TRAPPC9: variants seen among roughly 807,000 people sequenced by gnomAD.
TRAPPC9 encodes IKK2 binding protein.
A neutral mutation model predicts 124.0 loss-of-function variants in TRAPPC9; 83 were observed. The observed-to-expected ratio is 0.67, with a 90% CI of 0.56 to 0.80. The LOEUF (loss-of-function observed/expected upper bound fraction) is 0.80. Ranked by LOEUF, TRAPPC9 falls within the 30% of genes least tolerant of loss-of-function variation. The pLI is 0.00. For synonymous variants in TRAPPC9, 638 were observed against 617.5 expected, an observed-to-expected ratio of 1.03 and a Z score of -0.49; for missense variants, 1,302 against 1,508.3, an observed-to-expected ratio of 0.86 and a Z score of 2.27.
chr8:140,040,223 G>A (rs1170312230), intron 17 of TRAPPC9: 4 of 152,344 alleles, frequency 2.6e-5, no homozygotes, highest in African/African-American at 9.7e-5. Flanking sequence ...CAACAATCAT[G>A]GCCTAGTGGA....
At chr8:140,158,303 G>C (rs1266126999) in intron 17 of TRAPPC9, among the ~76,000 whole-genome samples, 4 of 152,210 alleles carry the variant, frequency 2.6e-5, no homozygotes, top group African/African-American at 9.7e-5. Context: ...GCTTATCCTA[G>C]TAGGCTCTCA....
intron 21 of TRAPPC9, among the ~76,000 whole-genome samples, chr8:139,816,889 G>A (rs1824875520): frequency 6.6e-6 from 1 of 151,982 alleles, no homozygotes; most frequent in South Asian, 2.1e-4. Flanking sequence ...TGCAGGCACA[G>A]TCTCAGCTTC....
At chr8:140,258,156 GACAGACA>G (rs2064313359) in intron 15 of TRAPPC9, among the ~76,000 whole-genome samples, 1 of 152,222 alleles carries the variant, frequency 6.6e-6, no homozygotes, top group South Asian at 2.1e-4. Context: ...GACAGCACAC[GACAGACA>G]AGTCTGGAGG....
intron 18 of TRAPPC9, among the ~76,000 whole-genome samples, chr8:139,999,878 T>C (rs1211985517): frequency 6.6e-6 from 1 of 152,138 alleles, no homozygotes. Context: ...AAAAATAAAA[T>C]ATGATATATC....
In TRAPPC9 at chr8:139,907,688, C is replaced by T. The variant is rs1372144326; in HGVS notation, c.2964+2459G>A. Among the ~76,000 whole-genome samples, 3 of 152,192 alleles carry T rather than the reference C, an allele frequency of 2.0e-5. No individual in the cohort carries two copies. The highest frequency in any genetic ancestry group is 7.2e-5 in the African/African-American group (3 of 41,430). ...TCAGTAAATGTATGGGGCAGATGTG[C>T]TTGGCACATGGTAGGCAATCAATAA... On this transcript the variant is annotated intron_variant, in intron 20 of 22. Transcript: ENST00000438773. This position sits in a 1 kb window ranked among gnomAD's most constrained non-coding sequence, Gnocchi z 4.7.
intron 15 of TRAPPC9, among the ~76,000 whole-genome samples, chr8:140,270,918 A>G (rs1406328964): frequency 1.3e-5 from 2 of 152,262 alleles, no homozygotes; most frequent in East Asian, 1.9e-4. Context: ...GCAGCCACTC[A>G]TGGATTTCTG....
chr8:140,100,441 TCGGG>T (rs1162270402), intron 17 of TRAPPC9: 1 of 152,112 alleles, frequency 6.6e-6, no homozygotes, highest in East Asian at 1.9e-4. Context: ...GTATGCAGGG[TCGGG>T]ACACCCAGCT....
chr8:140,429,055 TTTTTG>T (rs1040294614), intron 4 of TRAPPC9, among the ~76,000 whole-genome samples: 3 of 150,788 alleles, frequency 2.0e-5, no homozygotes, highest in African/African-American at 7.3e-5. Flanking sequence ...TGCCAGGGGT[TTTTTG>T]TTTTGTTTTT....
chr8:140,347,075 T>C (rs1241633177), intron 9 of TRAPPC9, among the ~76,000 whole-genome samples: 2 of 152,172 alleles, frequency 1.3e-5, no homozygotes, highest in African/African-American at 2.4e-5. Flanking sequence ...CTCCTCCAGC[T>C]CTGGGCCAGG....
At chr8:140,301,533 C>T (rs1452373760) in intron 10 of TRAPPC9, among the ~76,000 whole-genome samples, 1 of 152,226 alleles carries the variant, frequency 6.6e-6, no homozygotes, top group Non-Finnish European at 1.5e-5. Context: ...AACCACAGTA[C>T]TAGAAGGTGC....
chr8:140,263,381 G>A (rs996936610), intron 15 of TRAPPC9, among the ~76,000 whole-genome samples: 14 of 152,192 alleles, frequency 9.2e-5, no homozygotes, highest in African/African-American at 3.4e-4. Context: ...AGTGGGTACT[G>A]GGGAAATGTG....
intron 5 of TRAPPC9, among the ~76,000 whole-genome samples, chr8:140,419,938 C>T (rs1266524162): frequency 1.3e-5 from 2 of 151,788 alleles, no homozygotes; most frequent in Non-Finnish European, 2.9e-5. Context: ...ATGACATGAT[C>T]CTGCCTCTAG....
intron 21 of TRAPPC9, among the ~76,000 whole-genome samples, chr8:139,741,554 A>G (rs752747556): frequency 7.9e-5 from 12 of 152,154 alleles, no homozygotes; most frequent in Non-Finnish European, 1.8e-4. Flanking sequence ...TCACCCATTT[A>G]AAGTGTACAA....
intron 9 of TRAPPC9, among the ~76,000 whole-genome samples, chr8:140,322,163 C>A (rs1568605): frequency 0.53 from 80,612 of 151,980 alleles, 21,423 homozygotes; most frequent in East Asian, 0.65. Context: ...TCCCCCAAAC[C>A]CACAAATCCA....
chr8:139,814,183 G>A (rs995088800), intron 21 of TRAPPC9, among the ~76,000 whole-genome samples: 11 of 152,252 alleles, frequency 7.2e-5, no homozygotes, highest in African/African-American at 2.2e-4. Flanking sequence ...CGAGGCAGGC[G>A]GTGGGCGGCC....
At chr8:139,821,058 C>T (rs566584531) in intron 21 of TRAPPC9, among the ~76,000 whole-genome samples, 7 of 152,302 alleles carry the variant, frequency 4.6e-5, no homozygotes, top group South Asian at 4.1e-4. Context: ...AATGTATCTG[C>T]AGCACCAGGA....
chr8:140,083,055 T>C (rs565826552), intron 17 of TRAPPC9, among the ~76,000 whole-genome samples: 1 of 152,280 alleles, frequency 6.6e-6, no homozygotes, highest in East Asian at 1.9e-4. Flanking sequence ...CAGCTGGGCA[T>C]GGTGGCATGT....
At chr8:139,762,895 T>C (rs1586791947) in intron 21 of TRAPPC9, among the ~76,000 whole-genome samples, 1 of 152,280 alleles carries the variant, frequency 6.6e-6, no homozygotes, top group East Asian at 1.9e-4. Flanking sequence ...CAGTCTCAGT[T>C]GCCTGGTGAT....
In TRAPPC9 at chr8:140,360,178, C is replaced by G. The variant is rs1433093938; in HGVS notation, c.1367G>C (p.Trp456Ser). The G allele has an allele frequency of 6.2e-7, 1 of 1,614,092 alleles. No homozygotes were observed. Among genetic ancestry groups the G allele is most frequent in the Non-Finnish European group, 8.5e-7 (1 of 1,180,050 alleles). ...GAGCAAACGCATCTGGACCGCAGCC[C>G]AGCCTCTGTGCGTGCCTGCGATGGA... is the stretch of plus-strand genomic sequence containing the variant. The part of the protein sequence containing the change: ...KDFSRGTHRG[W>S]AAVQMRLLHE... The change falls in exon 9 of 23, where the codon TGG becomes TCG. Residue 456 changes from tryptophan (W) to serine (S), a missense_variant. Trp to Ser is a radical substitution (Grantham distance 177). Coordinates refer to ENST00000438773, the MANE Select transcript of TRAPPC9 (RefSeq NM_001160372.4).
Sources: gnomAD v4.1 joint callset for allele counts (sites outside exome capture counted in the v4.1 genomes callset) on GRCh38, gnomAD v4.1.1 for gene constraint, Gnocchi (gnomAD v3.1) non-coding constraint, MANE v1.5 for transcripts, NCBI Gene and HGNC (gene_info 2026-07-23, HGNC 2026-07-21) for gene names.